Variants in DMD observed in about 807,000 individuals in gnomAD.
DMD encodes mutant dystrophin.
In DMD, 63 loss-of-function variants were observed where a neutral mutation model predicts 330.1. That is an observed-to-expected ratio of 0.19 (90% CI 0.16 to 0.24). DMD has a LOEUF of 0.24. Among genes scored for constraint, DMD ranks in the 10% least tolerant of loss-of-function variants. DMD has a pLI of 1.00. For synonymous variants in DMD, 1,223 were observed against 959.8 expected (o/e 1.27, Z -5.07); for missense variants, 3,344 against 2,684.1 (o/e 1.25, Z -5.43).
intron 54 of DMD, among the ~76,000 whole-genome samples, chrX:31,641,744 G>T (rs1169700259): frequency 9.0e-6 from 1 of 111,441 alleles, no homozygotes; most frequent in Non-Finnish European, 1.9e-5. Flanking sequence ...TTATAGTACA[G>T]TTACATACAT....
chrX:32,980,245 A>G (rs1479036308), intron 2 of DMD, among the ~76,000 whole-genome samples: 1 of 107,381 alleles, frequency 9.3e-6, no homozygotes, highest in Non-Finnish European at 1.9e-5. Context: ...AGGCGCCTGT[A>G]ATCCCAGCTA....
At position 33,292,908 on chromosome X, in the gene DMD, T is replaced by C. The variant is rs1387901129; in HGVS notation, c.7+46351A>G. On this transcript the variant is annotated intron_variant, in intron 1 of 17. Transcript: ENST00000288447. ...GTCAATTTTTCTGCTTCTCTTTTTT[T>C]AGTCCATTCCTCCCTTTGTGCTTCC... Among the ~76,000 whole-genome samples, 9 of 110,697 alleles carry C rather than the reference T, an allele frequency of 8.1e-5. No homozygotes were observed. The Admixed American group carries it at 8.7e-4, about 11-fold the overall frequency.
intron 44 of DMD, among the ~76,000 whole-genome samples, chrX:32,194,657 C>T (rs1309270970): frequency 9.0e-6 from 1 of 111,225 alleles, no homozygotes; most frequent in Non-Finnish European, 1.9e-5. Flanking sequence ...CACCTAGCTA[C>T]ACAAAGAGAA....
intron 60 of DMD, among the ~76,000 whole-genome samples, chrX:31,392,173 C>G (rs1431694895): frequency 8.9e-6 from 1 of 112,137 alleles, no homozygotes; most frequent in Non-Finnish European, 1.9e-5. Flanking sequence ...TGCCACTCTT[C>G]CTTTATTTTC....
At chrX:31,130,774 A>C (rs2034376844) in intron 77 of DMD, among the ~76,000 whole-genome samples, 1 of 112,117 alleles carries the variant, frequency 8.9e-6, no homozygotes, top group African/African-American at 3.2e-5. Flanking sequence ...GTGAAAATAA[A>C]AGATAAAGAA....
chrX:32,200,901 T>G (rs2097032532), intron 44 of DMD, among the ~76,000 whole-genome samples: 1 of 111,325 alleles, frequency 9.0e-6, no homozygotes, highest in African/African-American at 3.3e-5. Flanking sequence ...ATTTTTATTG[T>G]CAGGCAAATT....
intron 1 of DMD, among the ~76,000 whole-genome samples, chrX:33,289,672 T>C (rs1408010533): frequency 1.8e-5 from 2 of 111,497 alleles, no homozygotes; most frequent in Non-Finnish European, 3.8e-5. Context: ...GTCTGTGTCC[T>C]TAAATATAAC....
rs895881253 is a variant in DMD at position 31,467,243 on chromosome X, G to A, written c.8937+10863C>T. 3.6e-5 allele frequency among the ~76,000 whole-genome samples: 4 copies of A among 111,184 alleles called. No individual in the cohort carries two copies. The South Asian group carries it at 1.1e-3, about 32-fold the overall frequency. Reference sequence around the variant, plus strand: ...GGAGAGGGCATCCTTGTCTTGTGCCGGTTTTTAAAGGGAGTGCTTCCAGCT... The same window carrying A: ...GGAGAGGGCATCCTTGTCTTGTGCCAGTTTTTAAAGGGAGTGCTTCCAGCT... On this transcript the variant is annotated intron_variant, in intron 59 of 78. Transcript: ENST00000357033.
chrX:32,649,559 TAAAAAAAAA>T (rs1161462889), intron 9 of DMD, among the ~76,000 whole-genome samples: 5 of 54,280 alleles, frequency 9.2e-5, no homozygotes, highest in Non-Finnish European at 1.4e-4. Context: ...CCGTCTCTTT[TAAAAAAAAA>T]AAAAAAAAAA....
At chrX:32,907,915 G>A (rs969266616) in intron 2 of DMD, among the ~76,000 whole-genome samples, 2 of 111,104 alleles carry the variant, frequency 1.8e-5, no homozygotes, top group Middle Eastern at 4.3e-3. Flanking sequence ...TATCTTGGTC[G>A]TAAATACTGT....
At chrX:31,976,189 G>A (rs1298068293) in intron 44 of DMD, among the ~76,000 whole-genome samples, 1 of 110,706 alleles carries the variant, frequency 9.0e-6, no homozygotes, top group Non-Finnish European at 1.9e-5. Flanking sequence ...ATGGAGAGAA[G>A]TGCATGGAAC....
chrX:31,930,573 T>C (rs1257879811), intron 46 of DMD, among the ~76,000 whole-genome samples: 2 of 111,693 alleles, frequency 1.8e-5, no homozygotes, highest in Non-Finnish European at 3.8e-5. Context: ...TTCAAGTTAA[T>C]CAAAATTCAC....
chrX:32,827,257 T>C (rs1017918713), intron 4 of DMD, among the ~76,000 whole-genome samples: 2 of 110,971 alleles, frequency 1.8e-5, no homozygotes, highest in Admixed American at 1.9e-4. Flanking sequence ...GATATATTCA[T>C]GTACTCAGTA....
chrX:32,206,730 T>A (rs1193340651), intron 44 of DMD: 1 of 472,560 alleles, frequency 2.1e-6, no homozygotes, highest in Non-Finnish European at 3.9e-6. Context: ...GTGGAGGAAG[T>A]CTCTCTAAGA....
At chrX:32,887,144 G>A (rs779419636) in intron 2 of DMD, among the ~76,000 whole-genome samples, 29 of 110,438 alleles carry the variant, frequency 2.6e-4, no homozygotes, top group African/African-American at 9.2e-4. Flanking sequence ...TCAGGAGATC[G>A]AGACCATCCT....
At chrX:32,553,904 C>G (rs929531498) in intron 16 of DMD, among the ~76,000 whole-genome samples, 1 of 111,486 alleles carries the variant, frequency 9.0e-6, no homozygotes, top group African/African-American at 3.3e-5. Context: ...GCAACCCTTG[C>G]CAGATCGTGG....
chrX:31,366,455 A>C (rs867154744), intron 60 of DMD, among the ~76,000 whole-genome samples: 1 of 69,205 alleles, frequency 1.4e-5, no homozygotes, highest in Non-Finnish European at 2.5e-5. Flanking sequence ...AGGCTGATCC[A>C]CTCTCTCTCT....
At chrX:33,126,809 A>G (rs890680881) in intron 1 of DMD, among the ~76,000 whole-genome samples, 14 of 111,919 alleles carry the variant, frequency 1.3e-4, no homozygotes, top group African/African-American at 3.9e-4. Context: ...ATTGCAAATC[A>G]ACACAGCTTT....
intron 42 of DMD, among the ~76,000 whole-genome samples, chrX:32,288,784 G>C (rs1320121075): frequency 3.6e-5 from 4 of 110,274 alleles, no homozygotes; most frequent in African/African-American, 1.3e-4. Flanking sequence ...TGGGAGACTG[G>C]AGAGAGAAAA....
Sources: allele counts gnomAD v4.1 joint callset (sites outside exome capture counted in the v4.1 genomes callset), GRCh38; gene constraint gnomAD v4.1.1; transcripts MANE v1.5; gene names NCBI Gene and HGNC (gene_info 2026-07-23, HGNC 2026-07-21).